PPARGC1B: variants seen among roughly 807,000 people sequenced by gnomAD.
The protein encoded by PPARGC1B is peroxisome proliferator-activated receptor gamma coactivator 1-beta.
A neutral mutation model predicts 101.6 loss-of-function variants in PPARGC1B; 34 were observed. The ratio of observed to expected loss-of-function variants is 0.33; its 90% CI spans 0.25 to 0.45. The LOEUF (loss-of-function observed/expected upper bound fraction) is 0.45. PPARGC1B is among the 20% of genes least tolerant of loss of function. PPARGC1B has a pLI of 1.00. For missense variants in PPARGC1B, 1,234 were observed against 1,317.6 expected (o/e 0.94, Z 0.98); for synonymous variants, 548 against 539.3 (o/e 1.02, Z -0.22).
At chr5:149,784,560 C>CTTTGTTTTTTTTTTTTTTTTTT (rs1756717736) in intron 1 of PPARGC1B, among the ~76,000 whole-genome samples, 2 of 75,716 alleles carry the variant, frequency 2.6e-5, no homozygotes, top group Non-Finnish European at 4.7e-5. Flanking sequence ...AACTGAGTTT[C>CTTTGTTTTTTTTTTTTTTTTTT]TTTTTTTTTT....
intron 1 of PPARGC1B, among the ~76,000 whole-genome samples, chr5:149,764,190 C>T (rs1055264295): frequency 4.6e-5 from 7 of 152,234 alleles, no homozygotes; most frequent in East Asian, 1.9e-4. Flanking sequence ...TCCAGAGAGG[C>T]ACCCACACAC....
chr5:149,812,467 T>C (rs904152456), intron 1 of PPARGC1B, among the ~76,000 whole-genome samples: 2 of 152,220 alleles, frequency 1.3e-5, no homozygotes, highest in African/African-American at 2.4e-5. Context: ...GAATAAGTTA[T>C]CACTTTTTCA....
rs1759630992 is a variant in PPARGC1B, at chr5:149,847,879, C to G, written c.*321C>G. ...CCCCTTCCTTCCCGACTGACTTCCTCTCGTAGACTTGCAGCTGTGTTCACC... is the reference window on the plus strand; with the variant it reads ...CCCCTTCCTTCCCGACTGACTTCCTGTCGTAGACTTGCAGCTGTGTTCACC... On this transcript the variant is annotated 3_prime_UTR_variant, in exon 12 of 12. Coordinates refer to ENST00000309241, the MANE Select transcript of PPARGC1B (RefSeq NM_133263.4). 1 of 363,532 alleles carries G rather than the reference C, an allele frequency of 2.8e-6. No homozygotes were observed. Among genetic ancestry groups the G allele is most frequent in the Non-Finnish European group, 5.0e-6 (1 of 199,526 alleles). The allele number at this position is 363,532 out of a possible 1,614,324, so 22.5% of individuals were successfully genotyped here.
intron 1 of PPARGC1B, among the ~76,000 whole-genome samples, chr5:149,753,827 G>T (rs1281506654): frequency 6.6e-6 from 1 of 152,058 alleles, no homozygotes; most frequent in African/African-American, 2.4e-5. Flanking sequence ...CTGAGTAGCT[G>T]GGATTACAGG....
At position 149,833,755 on chromosome 5, in the gene PPARGC1B, G is replaced by A. The variant is rs1222272202; in HGVS notation, c.1682G>A (p.Ser561Asn). The A allele has an allele frequency of 3.2e-6, 5 of 1,542,266 alleles. No homozygotes were observed. The highest frequency in any genetic ancestry group is 3.5e-6 in the Non-Finnish European group (4 of 1,149,540). Residue 561 changes from serine to asparagine, a missense_variant, in exon 5 of 12, where the codon AGC becomes AAC. By Grantham distance (46) the Ser-to-Asn change is conservative (BLOSUM62 1). Around this residue, in one of 3 missense-constraint regions of PPARGC1B, gnomAD observed 734 missense variants for 768.4 expected, o/e 0.96. Transcript: ENST00000309241. The surrounding 1 kb of genome is among the most constrained non-coding windows in gnomAD (Gnocchi z 4.1). ...TGTGGGGACATGGATGAGGACCCCA[G>A]CTGCCCGCAGCTCCCTCCCAGAGGT... ...SGCGDMDEDPSCPQLPPRDSP... is the reference protein window; with the variant it reads ...SGCGDMDEDPNCPQLPPRDSP...
Position 149,730,386 on chromosome 5 carries a change from C to T in PPARGC1B, c.44C>T (p.Ser15Phe). Residue 15 changes from serine (S) to phenylalanine (F), a missense_variant, in exon 1 of 12, where the codon TCC becomes TTC. Around this residue, in one of 3 missense-constraint regions of PPARGC1B, gnomAD observed 734 missense variants for 768.4 expected, o/e 0.96. Coordinates refer to ENST00000309241, the MANE Select transcript of PPARGC1B (RefSeq NM_133263.4). The surrounding 1 kb of genome is among the most constrained non-coding windows in gnomAD (Gnocchi z 4.0). ...DCGALLDEEL[S>F]SFFLNYLADT... ...GGCGCGCTGCTGGACGAAGAGCTCT[C>T]CTCCTTCTTCCTCAACTATCTCGCT... 1 of 1,573,672 alleles carries T rather than the reference C, an allele frequency of 6.4e-7. No homozygotes were observed. Among genetic ancestry groups the T allele is most frequent in the Non-Finnish European group, 8.6e-7 (1 of 1,162,502 alleles).
intron 1 of PPARGC1B, among the ~76,000 whole-genome samples, chr5:149,760,458 T>C (rs1302094413): frequency 6.6e-6 from 1 of 152,186 alleles, no homozygotes; most frequent in Non-Finnish European, 1.5e-5. Flanking sequence ...CTGAGCTTTT[T>C]CCTTGTTTAA....
rs1214730759 is a variant in PPARGC1B, at chr5:149,839,942, A to G, written c.2619-99A>G. 4.8e-6 allele frequency: 6 copies of G among 1,241,952 alleles called. No individual in the cohort carries two copies. In the East Asian group the frequency reaches 1.2e-4, roughly 24 times the overall value. The allele number at this position is 1,241,952 out of a possible 1,614,324, so 76.9% of individuals were successfully genotyped here. ...TCCAGCTGTGTGCCCTCGTGAACAAATCCTAAGGAAGCATCCCTTGCGTCC... is the reference window on the plus strand; with the variant it reads ...TCCAGCTGTGTGCCCTCGTGAACAAGTCCTAAGGAAGCATCCCTTGCGTCC... On this transcript the variant is annotated intron_variant, in intron 8 of 11. Transcript: ENST00000309241.
At chr5:149,801,874 T>C (rs1757440641) in intron 1 of PPARGC1B, among the ~76,000 whole-genome samples, 1 of 152,164 alleles carries the variant, frequency 6.6e-6, no homozygotes, top group African/African-American at 2.4e-5. Context: ...TAAGGACTCT[T>C]GTGTAGTAAT....
intron 1 of PPARGC1B, among the ~76,000 whole-genome samples, chr5:149,773,700 G>C (rs570958661): frequency 5.3e-5 from 8 of 152,354 alleles, no homozygotes; most frequent in African/African-American, 1.9e-4. Flanking sequence ...GAGCGGCCGC[G>C]GGAGGGACTG....
chr5:149,836,861 C>T lies in PPARGC1B; in HGVS notation c.2406C>T (p.Ser802=). ...FEDSSSSSGE[S]SFLPEEEEEE... is the part of the protein sequence containing the mutation. ...ACAGCAGCAGCAGCAGCGGCGAGAG[C>T]AGCTTCCTCCCAGAGGAGGAAGAGG... Residue 802 remains serine, a synonymous_variant, in exon 8 of 12, where the codon AGC becomes AGT. Coordinates refer to ENST00000309241, the MANE Select transcript of PPARGC1B (RefSeq NM_133263.4). The T allele has an allele frequency of 6.2e-7, 1 of 1,612,960 alleles. No homozygotes were observed. The highest frequency in any genetic ancestry group is 8.5e-7 in the Non-Finnish European group (1 of 1,179,982).
chr5:149,783,566 A>G (rs1756673279), intron 1 of PPARGC1B, among the ~76,000 whole-genome samples: 1 of 152,166 alleles, frequency 6.6e-6, no homozygotes, highest in Admixed American at 6.5e-5. Context: ...TAATCCAAGG[A>G]GAAGGAATGG....
chr5:149,784,309 G>A (rs948034540), intron 1 of PPARGC1B, among the ~76,000 whole-genome samples: 3 of 151,902 alleles, frequency 2.0e-5, no homozygotes, highest in East Asian at 1.9e-4. Flanking sequence ...CAGAGGCCAC[G>A]CTCTCACAAC....
chr5:149,855,568 A>T (rs1375715108), downstream of PPARGC1B, among the ~76,000 whole-genome samples: 2 of 152,288 alleles, frequency 1.3e-5, no homozygotes, highest in African/African-American at 4.8e-5. Context: ...AGGATCTCAT[A>T]GAGAGCAGGC....
chr5:149,738,056 A>G (rs1754789358), intron 1 of PPARGC1B, among the ~76,000 whole-genome samples: 1 of 152,252 alleles, frequency 6.6e-6, no homozygotes, highest in African/African-American at 2.4e-5. Context: ...TAAAGCATGT[A>G]ACACATGCCT....
intron 1 of PPARGC1B, among the ~76,000 whole-genome samples, chr5:149,757,584 C>G (rs749298848): frequency 6.6e-6 from 1 of 152,218 alleles, no homozygotes; most frequent in Non-Finnish European, 1.5e-5. Context: ...ATGAGGGCTT[C>G]CTCGTTGGCT....
intron 1 of PPARGC1B, among the ~76,000 whole-genome samples, chr5:149,781,891 G>C (rs1310148450): frequency 6.6e-6 from 1 of 152,106 alleles, no homozygotes. Flanking sequence ...TGGCCTGTGA[G>C]GTAAACTCTA....
chr5:149,815,406 G>A (rs984407702), intron 1 of PPARGC1B, among the ~76,000 whole-genome samples: 1 of 152,122 alleles, frequency 6.6e-6, no homozygotes, highest in African/African-American at 2.4e-5. Context: ...AAATGGTCAT[G>A]TACAAGCCAA....
At chr5:149,825,054 A>G (rs1265630038) in intron 2 of PPARGC1B, among the ~76,000 whole-genome samples, 1 of 151,364 alleles carries the variant, frequency 6.6e-6, no homozygotes, top group Admixed American at 6.6e-5. Flanking sequence ...GTGCCGGAGG[A>G]GGCATCATGT....
Sources: allele counts gnomAD v4.1 joint callset (sites outside exome capture counted in the v4.1 genomes callset), GRCh38; gene constraint gnomAD v4.1.1; regional missense constraint gnomAD v4.1.1; non-coding constraint Gnocchi (gnomAD v3.1); transcripts MANE v1.5; gene names NCBI Gene and HGNC (gene_info 2026-07-23, HGNC 2026-07-21).